Variants in BPIFC observed in about 807,000 individuals in gnomAD.
BPIFC encodes the protein BPI fold-containing family C protein.
Under a neutral mutation model 57.6 loss-of-function variants are expected in BPIFC, and 60 were observed. The ratio of observed to expected loss-of-function variants is 1.04; its 90% CI spans 0.85 to 1.29. The LOEUF is 1.29. BPIFC is among the 50% of genes most tolerant of loss of function. BPIFC has a pLI of 0.00. For missense variants in BPIFC, 581 were observed against 600.5 expected (o/e 0.97, Z 0.34); for synonymous variants, 243 against 224.5 (o/e 1.08, Z -0.74).
rs192871115 is a variant in BPIFC, at chr22:32,425,305, G to A, written c.1218-5901C>T. 5.8e-4 allele frequency among the ~76,000 whole-genome samples: 88 copies of A among 152,230 alleles called. 1 individual carries two copies. The highest frequency in any genetic ancestry group is 2.0e-3 in the African/African-American group (84 of 41,514). On this transcript the variant is annotated intron_variant, in intron 13 of 16. Transcript: ENST00000300399. ...TTCATTTAATCTACTGACATTTATT[G>A]AGCACTGTGCCAGGCCCTGGAGACA...
chr22:32,416,580 A>G (rs1004318650), intron 15 of BPIFC, among the ~76,000 whole-genome samples: 1 of 152,222 alleles, frequency 6.6e-6, no homozygotes, highest in African/African-American at 2.4e-5. Context: ...TTTTGAAAAT[A>G]CATAATTAGT....
At chr22:32,432,603 A>G in intron 11 of BPIFC, 60 bp from the exon 12 acceptor site, 2 of 1,552,656 alleles carry the variant, frequency 1.3e-6, no homozygotes, top group Middle Eastern at 1.9e-4. Context: ...AAGGGAGATC[A>G]CAAGGTTAGG....
At chr22:32,432,925 G>A (rs1934289482) in intron 11 of BPIFC, among the ~76,000 whole-genome samples, 1 of 152,154 alleles carries the variant, frequency 6.6e-6, no homozygotes, top group Non-Finnish European at 1.5e-5. Flanking sequence ...GGTCTGGGCT[G>A]GGCACAGTGG....
intron 13 of BPIFC, among the ~76,000 whole-genome samples, chr22:32,426,662 C>T (rs1484777725): frequency 6.6e-6 from 1 of 152,100 alleles, no homozygotes; most frequent in African/African-American, 2.4e-5. Flanking sequence ...GAGGCCGAGG[C>T]GGGTGGATCA....
At chr22:32,437,896 G>T (rs1458877061) in intron 8 of BPIFC, 45 bp from the exon 9 acceptor site, 7 of 1,171,698 alleles carry the variant, frequency 6.0e-6, no homozygotes, top group Admixed American at 3.6e-5. Flanking sequence ...TTCATTAAAG[G>T]CATAGTATAA....
At chr22:32,450,117 C>G (rs1934851650) in intron 4 of BPIFC, among the ~76,000 whole-genome samples, 2 of 124,038 alleles carry the variant, frequency 1.6e-5, no homozygotes, top group Non-Finnish European at 3.3e-5. Context: ...CACACACACA[C>G]ACACACACAC....
chr22:32,456,206 C>T (rs1935033222), intron 3 of BPIFC, among the ~76,000 whole-genome samples: 1 of 152,222 alleles, frequency 6.6e-6, no homozygotes, highest in African/African-American at 2.4e-5. Context: ...ATCAGCACAT[C>T]AGTATAGTAA....
At chr22:32,447,895 C>T (rs553530050) in intron 4 of BPIFC, among the ~76,000 whole-genome samples, 3 of 152,054 alleles carry the variant, frequency 2.0e-5, no homozygotes, top group Non-Finnish European at 4.4e-5. Context: ...AGGCATGAGA[C>T]ACCTCGCCTG....
At chr22:32,448,022 G>A (rs1030087837) in intron 4 of BPIFC, among the ~76,000 whole-genome samples, 2 of 151,446 alleles carry the variant, frequency 1.3e-5, no homozygotes, top group Non-Finnish European at 2.9e-5. Flanking sequence ...AGTGTTTCAC[G>A]AAAGGGGTGA....
chr22:32,461,333 G>C (rs777277163), intron 2 of BPIFC, among the ~76,000 whole-genome samples: 1 of 152,230 alleles, frequency 6.6e-6, no homozygotes, highest in Non-Finnish European at 1.5e-5. Flanking sequence ...GCAGAGCTAA[G>C]AAAGGATGAC....
At chr22:32,457,218 C>T (rs1284541338) in intron 3 of BPIFC, 45 bp downstream of exon 3, 1 of 1,565,512 alleles carries the variant, frequency 6.4e-7, no homozygotes, top group African/African-American at 1.4e-5. Context: ...TCACAGACCC[C>T]ACCTAGTGGG....
chr22:32,426,629 C>T (rs537967409), intron 13 of BPIFC, among the ~76,000 whole-genome samples: 34 of 152,322 alleles, frequency 2.2e-4, no homozygotes, highest in South Asian at 2.1e-4. Flanking sequence ...CGGTGGCTCA[C>T]GCCTGTAATC....
chr22:32,418,348 G>C (rs1163228887), intron 14 of BPIFC, among the ~76,000 whole-genome samples: 1 of 152,156 alleles, frequency 6.6e-6, no homozygotes. Context: ...CATAAGCACA[G>C]TCACACACAC....
At chr22:32,453,089 T>C (rs2145961869) in intron 4 of BPIFC, among the ~76,000 whole-genome samples, 1 of 152,286 alleles carries the variant, frequency 6.6e-6, no homozygotes, top group Middle Eastern at 3.4e-3. Flanking sequence ...CTTATTAGGG[T>C]AGAGCTTCAG....
intron 5 of BPIFC, among the ~76,000 whole-genome samples, chr22:32,446,532 G>A (rs1173817610): frequency 6.6e-6 from 1 of 152,190 alleles, no homozygotes; most frequent in Non-Finnish European, 1.5e-5. Context: ...TTGCTGTGGG[G>A]AACGTGTCAT....
intron 1 of BPIFC, among the ~76,000 whole-genome samples, chr22:32,462,168 C>CAAAAACAAAAAA (rs1935174711): frequency 1.9e-5 from 1 of 53,600 alleles, no homozygotes; most frequent in Non-Finnish European, 3.2e-5. Flanking sequence ...GACTCCATCT[C>CAAAAACAAAAAA]AAAAAAAAAA....
chr22:32,419,145 T>G (rs1006328752), intron 14 of BPIFC, among the ~76,000 whole-genome samples: 2 of 152,182 alleles, frequency 1.3e-5, no homozygotes, highest in Non-Finnish European at 2.9e-5. Context: ...TAAAAAAGTA[T>G]TTCTGCATAA....
chr22:32,459,094 G>A (rs1397685337), intron 2 of BPIFC, among the ~76,000 whole-genome samples: 6 of 152,180 alleles, frequency 3.9e-5, no homozygotes. Flanking sequence ...TTCTAGTTTG[G>A]AAGTTACAAT....
At chr22:32,452,573 G>A (rs561396804) in intron 4 of BPIFC, among the ~76,000 whole-genome samples, 18 of 151,852 alleles carry the variant, frequency 1.2e-4, no homozygotes, top group Admixed American at 3.3e-4. Context: ...TGGAGGCAGA[G>A]CTTGCAGTGA....
Sources: allele counts gnomAD v4.1 joint callset (sites outside exome capture counted in the v4.1 genomes callset), GRCh38; gene constraint gnomAD v4.1.1; transcripts MANE v1.5; gene names NCBI Gene and HGNC (gene_info 2026-07-23, HGNC 2026-07-21).